The following DUSP4 variants were observed in gnomAD, a reference collection of about 807,000 sequenced individuals.
The protein encoded by DUSP4 is dual specificity phosphatase 4.
DUSP4 carries 12 observed loss-of-function variants against 27.2 expected under a neutral mutation model. That is an observed-to-expected ratio of 0.44 (90% CI 0.28 to 0.71). The LOEUF is 0.71. Ranked by LOEUF, DUSP4 falls within the 30% of genes least tolerant of loss-of-function variation. The pLI is 0.14. For synonymous variants in DUSP4, 257 were observed against 245.2 expected (o/e 1.05, Z -0.45); for missense variants, 448 against 551.3 (o/e 0.81, Z 1.88).
At chr8:29,343,047 A>G (rs1210261129) in intron 1 of DUSP4, among the ~76,000 whole-genome samples, 1 of 151,638 alleles carries the variant, frequency 6.6e-6, no homozygotes. Flanking sequence ...GGGTGTCTGT[A>G]GTCCCAGCTA....
At chr8:29,345,343 T>TA in intron 1 of DUSP4, 1 of 1,613,388 alleles carries the variant, frequency 6.2e-7, no homozygotes, top group Non-Finnish European at 8.5e-7. Context: ...GAGCTGTATT[T>TA]AAAATCCAAC....
rs763031597 is a variant in DUSP4, at chr8:29,350,052, C to T, written c.227G>A (p.Arg76Gln). Reference sequence around the variant, plus strand: ...CTCCAGGCTCACGGAGCCCTTAGCCCGCCGCCGCACGATGGTGTTACAGCG... The same window carrying T: ...CTCCAGGCTCACGGAGCCCTTAGCCTGCCGCCGCACGATGGTGTTACAGCG... ...NVRCNTIVRR[R>Q]AKGSVSLEQI... The change falls in exon 1 of 4, where the codon CGG becomes CAG. Residue 76 changes from arginine to glutamine, a missense_variant. Transcript: ENST00000240100. The T allele has an allele frequency of 6.3e-7, 1 of 1,597,458 alleles. No individual in the cohort carries two copies. Among genetic ancestry groups the T allele is most frequent in the Non-Finnish European group, 8.5e-7 (1 of 1,173,628 alleles).
Position 29,350,596 on chromosome 8 carries a change from T to A in DUSP4, c.-318A>T. The stretch of plus-strand genomic sequence containing the variant: ...CTTTTCGGCGACGGCCTCCCGTGTA[T>A]TTTTGCCGGTCGCGCGGCTCCTGTC... On this transcript the variant is annotated 5_prime_UTR_variant, in exon 1 of 4. Coordinates refer to ENST00000240100, the MANE Select transcript of DUSP4 (RefSeq NM_001394.7). The A allele has an allele frequency of 3.2e-6, 1 of 315,210 alleles. No individual in the cohort carries two copies. 19.5% of individuals were successfully genotyped at this position (315,210 alleles called of 1,614,324 possible).
At chr8:29,338,841 C>G (rs1014232031) in intron 2 of DUSP4, among the ~76,000 whole-genome samples, 2 of 152,252 alleles carry the variant, frequency 1.3e-5, no homozygotes, top group African/African-American at 4.8e-5. Context: ...ATCTGCTAAT[C>G]ATCAAGCCAT....
At chr8:29,344,875 C>T (rs939200054) in intron 1 of DUSP4, among the ~76,000 whole-genome samples, 3 of 150,874 alleles carry the variant, frequency 2.0e-5, no homozygotes, top group Non-Finnish European at 4.4e-5. Flanking sequence ...CACTGTCACT[C>T]TCTCACCCAG....
At chr8:29,338,089 G>C (rs999200662) in intron 3 of DUSP4, among the ~76,000 whole-genome samples, 193 bp downstream of exon 3, 1 of 152,202 alleles carries the variant, frequency 6.6e-6, no homozygotes, top group East Asian at 1.9e-4. Flanking sequence ...AGCTAAGCCT[G>C]TGTGTAGGTC....
intron 1 of DUSP4, among the ~76,000 whole-genome samples, chr8:29,349,567 G>C (rs1046471400): frequency 6.6e-6 from 1 of 152,188 alleles, no homozygotes; most frequent in Non-Finnish European, 1.5e-5. Context: ...CTTCATCCTC[G>C]AGGCTAGGAC....
chr8:29,345,436 G>A, intron 1 of DUSP4: 1 of 1,614,022 alleles, frequency 6.2e-7, no homozygotes, highest in Non-Finnish European at 8.5e-7. Context: ...GCCATGCTGG[G>A]GGCTCGAACT....
At chr8:29,348,625 G>T (rs1366157067) in intron 1 of DUSP4, 9 of 985,396 alleles carry the variant, frequency 9.1e-6, no homozygotes, top group Non-Finnish European at 1.1e-5. Context: ...CGGCTCCTCC[G>T]CACTGAACAG....
intron 1 of DUSP4, chr8:29,346,217 G>T: frequency 3.6e-6 from 1 of 278,078 alleles, no homozygotes; most frequent in Non-Finnish European, 5.5e-6. Flanking sequence ...CAGGCCCTGG[G>T]CTATTGGATG....
Position 29,338,466 on chromosome 8 carries a change from G to A in DUSP4, c.615C>T (p.Leu205=), listed in dbSNP as rs538028974. The A allele has an allele frequency of 1.2e-5, 19 of 1,613,838 alleles. No homozygotes were observed. Among genetic ancestry groups the A allele is most frequent in the Non-Finnish European group, 1.6e-5 (19 of 1,180,026 alleles). Residue 205 remains leucine, a synonymous_variant, in exon 3 of 4, where the codon CTC becomes CTT. Coordinates refer to ENST00000240100, the MANE Select transcript of DUSP4 (RefSeq NM_001394.7). ...TCCGGGCAGCATGGTAGGCACTGCC[G>A]AGGTAGAGGAAGGGAAGGATCTCCA... The part of the protein sequence containing the change: ...GPVEILPFLY[L]GSAYHAARRD...
At chr8:29,348,511 T>TCAACCAAA in intron 1 of DUSP4, 1 of 985,572 alleles carries the variant, frequency 1.0e-6, no homozygotes, top group Non-Finnish European at 1.2e-6. Flanking sequence ...CCTTAGCAGT[T>TCAACCAAA]CAACCAAAGG....
rs991846687 is a variant in DUSP4, at chr8:29,348,888, G to T, written c.433+958C>A. 1.8e-5 allele frequency: 12 copies of T among 685,672 alleles called. No homozygotes were observed. The Admixed American group carries it at 4.4e-4, about 25-fold the overall frequency. 42.5% of individuals were successfully genotyped at this position (685,672 alleles called of 1,614,324 possible). On this transcript the variant is annotated intron_variant, in intron 1 of 3. Coordinates refer to ENST00000240100, the MANE Select transcript of DUSP4 (RefSeq NM_001394.7). ...GCGGGAGGCGGAGGCGCAGCGCGGC[G>T]GGGGGCGCCCGGACCCCACGCGCCC...
rs542988103 is a variant in DUSP4 at position 29,335,007 on chromosome 8, C to T, written c.*2019G>A. ...TAGGATGCCAGATGAGAAAGAGTAT[C>T]CCAACGTGACGGTGACATTGAGGCT... On this transcript the variant is annotated 3_prime_UTR_variant, in exon 4 of 4. Coordinates refer to ENST00000240100, the MANE Select transcript of DUSP4 (RefSeq NM_001394.7). 4.6e-5 allele frequency: 7 copies of T among 152,172 alleles called. No individual in the cohort carries two copies. The South Asian group carries it at 1.5e-3, about 32-fold the overall frequency. 9.4% of individuals were successfully genotyped at this position (152,172 alleles called of 1,614,324 possible).
Position 29,338,470 on chromosome 8 carries a change from T to C in DUSP4, c.611A>G (p.Tyr204Cys), listed in dbSNP as rs1817611361. The C allele has an allele frequency of 9.3e-6, 15 of 1,613,478 alleles. No individual in the cohort carries two copies. Among genetic ancestry groups the C allele is most frequent in the Non-Finnish European group, 1.0e-5 (12 of 1,179,964 alleles). The change falls in exon 3 of 4, where the codon TAC becomes TGC. Residue 204 changes from tyrosine (Y) to cysteine (C), a missense_variant. This residue lies in a region of DUSP4 where 345 missense variants were observed against 394.0 expected (regional missense o/e 0.88). Transcript: ENST00000240100. ...GGPVEILPFL[Y>C]LGSAYHAARR... The stretch of plus-strand genomic sequence containing the variant: ...GGCAGCATGGTAGGCACTGCCGAGG[T>C]AGAGGAAGGGAAGGATCTCCACAGG...
At position 29,350,564 on chromosome 8, in the gene DUSP4, G is replaced by T. The variant is rs1039427425; in HGVS notation, c.-286C>A. The T allele has an allele frequency of 5.0e-6, 2 of 399,106 alleles. No individual in the cohort carries two copies. The highest frequency in any genetic ancestry group is 8.9e-6 in the Non-Finnish European group (2 of 225,926). 24.7% of individuals were successfully genotyped at this position (399,106 alleles called of 1,614,324 possible). On this transcript the variant is annotated 5_prime_UTR_variant, in exon 1 of 4. Transcript: ENST00000240100. ...GAGAGTGTGTTTACGAGAGAGGACCGCGGACTCTTTTCGGCGACGGCCTCC... is the reference window on the plus strand; with the variant it reads ...GAGAGTGTGTTTACGAGAGAGGACCTCGGACTCTTTTCGGCGACGGCCTCC...
intron 1 of DUSP4, among the ~76,000 whole-genome samples, chr8:29,342,016 G>A (rs558609845): frequency 6.6e-6 from 1 of 152,310 alleles, no homozygotes; most frequent in East Asian, 1.9e-4. Context: ...AAAACAACAT[G>A]TTAGACACAG....
At chr8:29,345,948 C>G in intron 1 of DUSP4, 2 of 993,912 alleles carry the variant, frequency 2.0e-6, no homozygotes, top group Non-Finnish European at 2.4e-6. Context: ...ACCATATTTG[C>G]AAGCAGAAAA....
In DUSP4 at chr8:29,337,165, G is replaced by T; in HGVS notation, c.1046C>A (p.Pro349His). The T allele has an allele frequency of 6.2e-7, 1 of 1,611,962 alleles. No homozygotes were observed. The highest frequency in any genetic ancestry group is 1.1e-5 in the South Asian group (1 of 90,870). ...GGGGGTCTTGCCCCGCTCCCGCAGG[G>T]GTCCCGAGGGGCTAGCAGCCTCCGC... ...CAAEAASPSGPLRERGKTPAT... is the reference protein window; with the variant it reads ...CAAEAASPSGHLRERGKTPAT... The change falls in exon 4 of 4, where the codon CCC becomes CAC. Residue 349 changes from proline to histidine, a missense_variant. By Grantham distance (77) the Pro-to-His change is moderately conservative. This residue lies in a region of DUSP4 where 100 missense variants were observed against 139.8 expected (regional missense o/e 0.72). Coordinates refer to ENST00000240100, the MANE Select transcript of DUSP4 (RefSeq NM_001394.7). This position sits in a 1 kb window ranked among gnomAD's most constrained non-coding sequence, Gnocchi z 6.4.
Sources: allele counts gnomAD v4.1 joint callset (sites outside exome capture counted in the v4.1 genomes callset), GRCh38; gene constraint gnomAD v4.1.1; regional missense constraint gnomAD v4.1.1; non-coding constraint Gnocchi (gnomAD v3.1); transcripts MANE v1.5; gene names NCBI Gene and HGNC (gene_info 2026-07-23, HGNC 2026-07-21).